KIAA1549L: variants seen among roughly 807,000 people sequenced by gnomAD.
KIAA1549L encodes KIAA1549 like.
Under a neutral mutation model 160.7 loss-of-function variants are expected in KIAA1549L, and 88 were observed. The observed-to-expected ratio is 0.55, with a 90% CI of 0.46 to 0.65. KIAA1549L has a LOEUF of 0.65. KIAA1549L is among the 30% of genes least tolerant of loss of function. The probability of loss-of-function intolerance (pLI) is 0.00; values close to 1 mark genes in which losing one functional copy is unlikely to be tolerated. For missense variants in KIAA1549L, 2,258 were observed against 2,437.5 expected, an observed-to-expected ratio of 0.93 and a Z score of 1.55; for synonymous variants, 950 against 976.7, an observed-to-expected ratio of 0.97 and a Z score of 0.51.
chr11:33,619,578 TA>T (rs1031550449), intron 16 of KIAA1549L, among the ~76,000 whole-genome samples: 33 of 152,168 alleles, frequency 2.2e-4, no homozygotes, highest in African/African-American at 7.0e-4. Flanking sequence ...CACAAAACCT[TA>T]AAATGGGATT....
At chr11:33,441,633 C>G (rs1851508784) in intron 1 of KIAA1549L, among the ~76,000 whole-genome samples, 1 of 152,120 alleles carries the variant, frequency 6.6e-6, no homozygotes, top group South Asian at 2.1e-4. Flanking sequence ...GAGATGGTAT[C>G]TCATTGTGGT....
intron 1 of KIAA1549L, among the ~76,000 whole-genome samples, chr11:33,490,597 C>G: frequency 6.6e-6 from 1 of 152,152 alleles, no homozygotes; most frequent in East Asian, 1.9e-4. Flanking sequence ...GCTACTGTGC[C>G]TGGCCCACTT....
chr11:33,646,473 A>G (rs1360249240), intron 17 of KIAA1549L, among the ~76,000 whole-genome samples: 7 of 152,240 alleles, frequency 4.6e-5, no homozygotes, highest in African/African-American at 1.7e-4. Flanking sequence ...TCTCAGGTCT[A>G]CCAGATGAAA....
At chr11:33,534,249 A>ATTTTT (rs57841189) in intron 1 of KIAA1549L, among the ~76,000 whole-genome samples, 1 of 142,570 alleles carries the variant, frequency 7.0e-6, no homozygotes. Flanking sequence ...CGCCCAGCTA[A>ATTTTT]TTTTTTTTTT....
At chr11:33,537,449 G>A (rs1331152867) in intron 1 of KIAA1549L, among the ~76,000 whole-genome samples, 1 of 152,172 alleles carries the variant, frequency 6.6e-6, no homozygotes, top group African/African-American at 2.4e-5. Flanking sequence ...TAGAAAAGGA[G>A]GGAGGGAAGA....
At chr11:33,379,075 A>C (rs1590208957) in intron 1 of KIAA1549L, among the ~76,000 whole-genome samples, 1 of 152,162 alleles carries the variant, frequency 6.6e-6, no homozygotes, top group African/African-American at 2.4e-5. Context: ...TCCGACCCTG[A>C]GATGTCTGAG....
At chr11:33,381,886 A>G (rs993629736) in intron 1 of KIAA1549L, among the ~76,000 whole-genome samples, 1 of 152,220 alleles carries the variant, frequency 6.6e-6, no homozygotes, top group Admixed American at 6.5e-5. Context: ...TACGGCTCCA[A>G]GGTCTTTGGC....
At chr11:33,575,603 A>G (rs1855419361) in intron 10 of KIAA1549L, among the ~76,000 whole-genome samples, 1 of 152,226 alleles carries the variant, frequency 6.6e-6, no homozygotes, top group Non-Finnish European at 1.5e-5. Flanking sequence ...ACAAGTGCTT[A>G]GGTGGCCCGG....
chr11:33,605,191 T>A (rs991697092), intron 13 of KIAA1549L, among the ~76,000 whole-genome samples: 38 of 147,086 alleles, frequency 2.6e-4, no homozygotes, highest in African/African-American at 1.0e-3. Context: ...TTTTGTTTTG[T>A]TTTTTTACAA....
chr11:33,550,709 T>C (rs957385169), intron 4 of KIAA1549L, among the ~76,000 whole-genome samples: 6 of 152,232 alleles, frequency 3.9e-5, no homozygotes, highest in Non-Finnish European at 7.3e-5. Context: ...TTTCATTCAC[T>C]GAAAATCTCT....
intron 15 of KIAA1549L, among the ~76,000 whole-genome samples, chr11:33,611,491 T>A (rs1377493007): frequency 2.0e-5 from 3 of 152,168 alleles, no homozygotes; most frequent in Non-Finnish European, 4.4e-5. Context: ...TAATTTACCA[T>A]GCTTCTAATT....
At chr11:33,440,924 T>TTTA (rs981702956) in intron 1 of KIAA1549L, among the ~76,000 whole-genome samples, 2 of 152,258 alleles carry the variant, frequency 1.3e-5, no homozygotes, top group East Asian at 3.9e-4. Context: ...TTCTTTTTTT[T>TTTA]TTATTATTAT....
chr11:33,461,434 T>G (rs1851939981), intron 1 of KIAA1549L, among the ~76,000 whole-genome samples: 1 of 152,166 alleles, frequency 6.6e-6, no homozygotes, highest in Non-Finnish European at 1.5e-5. Flanking sequence ...AATGCCTGAC[T>G]CTGAAGTTTG....
At chr11:33,628,115 T>C (rs953397106) in intron 16 of KIAA1549L, among the ~76,000 whole-genome samples, 146 of 151,574 alleles carry the variant, frequency 9.6e-4, no homozygotes, top group Non-Finnish European at 1.9e-3. Flanking sequence ...TTCTTAATCC[T>C]GAGTTCTAGT....
At position 33,589,746 on chromosome 11, in the gene KIAA1549L, C is replaced by T. The variant is rs144546521; in HGVS notation, c.4567-1491C>T. On this transcript the variant is annotated intron_variant, in intron 11 of 20. Coordinates refer to ENST00000658780, the MANE Select transcript of KIAA1549L (RefSeq NM_012194.3). ...TGGACACAGGAAGGGAGACATCACA[C>T]ACCAGGGCCTGTTGTGGGGTGGGGG... Among the ~76,000 whole-genome samples, 964 of 151,370 alleles carry T rather than the reference C, an allele frequency of 6.4e-3. 17 individuals are homozygous for T. Among genetic ancestry groups the T allele is most frequent in the African/African-American group, 0.022 (904 of 41,180 alleles).
At chr11:33,600,946 TTAG>T in intron 13 of KIAA1549L, among the ~76,000 whole-genome samples, 1 of 152,114 alleles carries the variant, frequency 6.6e-6, no homozygotes, top group South Asian at 2.1e-4. Context: ...CACTCCCCAC[TTAG>T]CTGGTGAAAT....
chr11:33,585,482 C>G (rs1855783147), intron 11 of KIAA1549L, among the ~76,000 whole-genome samples: 1 of 152,136 alleles, frequency 6.6e-6, no homozygotes, highest in South Asian at 2.1e-4. Context: ...CACACCGTTG[C>G]ACTCTAGCCT....
intron 16 of KIAA1549L, among the ~76,000 whole-genome samples, chr11:33,642,880 C>T (rs1436500761): frequency 6.6e-6 from 1 of 152,160 alleles, no homozygotes; most frequent in Non-Finnish European, 1.5e-5. Context: ...GAATTTATTT[C>T]AGTTTAAGTT....
intron 18 of KIAA1549L, among the ~76,000 whole-genome samples, chr11:33,657,670 A>G (rs1179394430): frequency 6.6e-6 from 1 of 152,084 alleles, no homozygotes; most frequent in Non-Finnish European, 1.5e-5. Context: ...ACTGGCATGC[A>G]CCTATAATCC....
Sources: allele counts gnomAD v4.1 joint callset (sites outside exome capture counted in the v4.1 genomes callset), GRCh38; gene constraint gnomAD v4.1.1; transcripts MANE v1.5; gene names NCBI Gene and HGNC (gene_info 2026-07-23, HGNC 2026-07-21).